RANBP2: variants seen among roughly 807,000 people sequenced by gnomAD.
RANBP2 encodes E3 SUMO-protein ligase RanBP2.
A neutral mutation model predicts 303.6 loss-of-function variants in RANBP2; 57 were observed. The ratio of observed to expected loss-of-function variants is 0.19; its 90% CI spans 0.15 to 0.23. RANBP2 has a LOEUF of 0.23. Ranked by LOEUF, RANBP2 falls within the 10% of genes least tolerant of loss-of-function variation. The pLI is 1.00. For synonymous variants in RANBP2, 1,167 were observed against 1,301.5 expected (o/e 0.90, Z 2.23); for missense variants, 3,138 against 3,780.8 (o/e 0.83, Z 4.46).
At chr2:109,384,766 G>A in the RANBP2 span, among the ~76,000 whole-genome samples, 2 of 152,108 alleles carry the variant, frequency 1.3e-5, no homozygotes, top group African/African-American at 4.8e-5. Context: ...AAAGTTTCGA[G>A]CTCTGGTCAT....
chr2:109,376,147 A>G, the RANBP2 span, among the ~76,000 whole-genome samples: 19 of 152,348 alleles, frequency 1.2e-4, no homozygotes, highest in South Asian at 1.9e-3. Context: ...TCCTCGGTCC[A>G]TTGCTGTGTT....
At chr2:108,962,194 A>G in the RANBP2 span, among the ~76,000 whole-genome samples, 1 of 152,212 alleles carries the variant, frequency 6.6e-6, no homozygotes, top group Non-Finnish European at 1.5e-5. Context: ...CAGATGGCGC[A>G]TTGCAGATTG....
At chr2:109,654,316 G>T in the RANBP2 span, among the ~76,000 whole-genome samples, 1 of 151,722 alleles carries the variant, frequency 6.6e-6, no homozygotes. Flanking sequence ...ACTAGGTTTG[G>T]GGTCTAGTCC....
chr2:109,101,280 A>C, the RANBP2 span, among the ~76,000 whole-genome samples: 1 of 152,190 alleles, frequency 6.6e-6, no homozygotes, highest in Non-Finnish European at 1.5e-5. Flanking sequence ...TAATCCCAGC[A>C]CTTTGAGAGA....
chr2:108,852,001 C>T, the RANBP2 span, among the ~76,000 whole-genome samples: 1 of 152,186 alleles, frequency 6.6e-6, no homozygotes, highest in Non-Finnish European at 1.5e-5. Context: ...AGCCTACCTT[C>T]TTAAGCCTAT....
chr2:108,826,930 C>T, the RANBP2 span, among the ~76,000 whole-genome samples: 1,926 of 152,242 alleles, frequency 0.013, 50 homozygotes, highest in African/African-American at 0.045. Context: ...TATATTTTCT[C>T]GTTTTCAGGG....
At chr2:109,760,711 C>T in the RANBP2 span, among the ~76,000 whole-genome samples, 2 of 145,652 alleles carry the variant, frequency 1.4e-5, no homozygotes, top group African/African-American at 4.9e-5. Flanking sequence ...ACGCTGACAC[C>T]TCCCACCATG....
chr2:108,949,274 G>T, the RANBP2 span, among the ~76,000 whole-genome samples: 1 of 152,206 alleles, frequency 6.6e-6, no homozygotes, highest in Admixed American at 6.5e-5. Context: ...GAGCCACCAA[G>T]CCTGGCTAAC....
At chr2:109,161,417 T>A in the RANBP2 span, among the ~76,000 whole-genome samples, 1 of 152,016 alleles carries the variant, frequency 6.6e-6, no homozygotes, top group Non-Finnish European at 1.5e-5. Flanking sequence ...TTCTGTCCAG[T>A]GGGAATGTGA....
chr2:108,972,190 G>C, the RANBP2 span, among the ~76,000 whole-genome samples: 1 of 152,266 alleles, frequency 6.6e-6, no homozygotes, highest in South Asian at 2.1e-4. Flanking sequence ...ACATTTGGGA[G>C]TCATTTATTA....
At chr2:109,487,187 C>T in the RANBP2 span, among the ~76,000 whole-genome samples, 3 of 152,222 alleles carry the variant, frequency 2.0e-5, no homozygotes, top group Non-Finnish European at 4.4e-5. Flanking sequence ...CTTTCCTTAA[C>T]ATAATCTTTC....
At chr2:109,021,638 A>AT in the RANBP2 span, among the ~76,000 whole-genome samples, 1 of 151,778 alleles carries the variant, frequency 6.6e-6, no homozygotes, top group Non-Finnish European at 1.5e-5. Context: ...GCTGGCAGGT[A>AT]TGGGCATCGA....
chr2:109,142,420 T>A, the RANBP2 span, among the ~76,000 whole-genome samples: 1 of 152,210 alleles, frequency 6.6e-6, no homozygotes, highest in East Asian at 1.9e-4. Context: ...AAACTTGGAA[T>A]CAAATATGTG....
the RANBP2 span, among the ~76,000 whole-genome samples, chr2:109,346,009 C>T: frequency 6.6e-6 from 1 of 152,226 alleles, no homozygotes; most frequent in Non-Finnish European, 1.5e-5. Context: ...CCCTGTGTGG[C>T]AGTGGAATTA....
At chr2:108,901,735 C>T in the RANBP2 span, among the ~76,000 whole-genome samples, 2 of 152,190 alleles carry the variant, frequency 1.3e-5, no homozygotes, top group Admixed American at 1.3e-4. Flanking sequence ...AAAACATAAA[C>T]TATCACAACT....
the RANBP2 span, among the ~76,000 whole-genome samples, chr2:108,807,520 C>G: frequency 3.9e-5 from 6 of 152,192 alleles, no homozygotes. Context: ...TCAAAATCCT[C>G]TCTTTATCTA....
the RANBP2 span, among the ~76,000 whole-genome samples, chr2:108,888,982 A>G: frequency 4.6e-5 from 7 of 151,418 alleles, no homozygotes; most frequent in Admixed American, 3.3e-4. Context: ...GTACCCCATC[A>G]GTTTTGCTTT....
At chr2:108,853,594 A>G in the RANBP2 span, among the ~76,000 whole-genome samples, 1 of 150,314 alleles carries the variant, frequency 6.7e-6, no homozygotes, top group African/African-American at 2.4e-5. Context: ...TGGTGCAAGC[A>G]TAACTTACCA....
chr2:109,257,047 G>A, the RANBP2 span, among the ~76,000 whole-genome samples: 5 of 152,188 alleles, frequency 3.3e-5, no homozygotes, highest in African/African-American at 1.2e-4. Context: ...GCACTGTATG[G>A]CATTTGAATG....
Sources: allele counts gnomAD v4.1 joint callset (sites outside exome capture counted in the v4.1 genomes callset), GRCh38; gene constraint gnomAD v4.1.1; transcripts MANE v1.5; gene names NCBI Gene and HGNC (gene_info 2026-07-23, HGNC 2026-07-21).